IFIT1B: variants seen among roughly 807,000 people sequenced by gnomAD.
The protein encoded by IFIT1B is protein IFIT1 homolog B.
IFIT1B carries 3 observed loss-of-function variants against 2.5 expected under a neutral mutation model. The observed-to-expected ratio is 1.21, with a 90% CI of 0.55 to 3.14. IFIT1B has a LOEUF of 3.14. Among genes scored for constraint, IFIT1B ranks in the 30% most tolerant of loss-of-function variants. The pLI, the probability that IFIT1B is intolerant of heterozygous loss-of-function variation, is 0.03. For synonymous variants in IFIT1B, 196 were observed against 203.0 expected (o/e 0.97, Z 0.29); for missense variants, 545 against 556.5 (o/e 0.98, Z 0.21).
chr10:89,383,327 C>A lies in IFIT1B; in HGVS notation c.14C>A (p.Ser5Tyr), dbSNP rs1483722998. ...GCTGCCTATTTTTACAGTGAAGAAT[C>A]TGATGGAAAGCTTATTGAAGACAGC... MSEE[S>Y]DGKLIEDSLI... Residue 5 changes from serine to tyrosine, a missense_variant, in exon 2 of 2, where the codon TCT (serine) becomes TAT (tyrosine). Physicochemically the swap from Ser to Tyr is moderately radical, Grantham distance 144. Coordinates refer to ENST00000371809, the MANE Select transcript of IFIT1B (RefSeq NM_001010987.2). The A allele has an allele frequency of 1.9e-6, 3 of 1,609,674 alleles. No homozygotes were observed. In the South Asian group the frequency reaches 3.3e-5, roughly 18 times the overall value.
chr10:89,383,724 G>C lies in IFIT1B; in HGVS notation c.411G>C (p.Glu137Asp), dbSNP rs1186436053. The part of the protein sequence containing the change: ...KFANPSRYRM[E>D]CPEVDCEEGW... ...CAAATCCTTCCCGCTATAGAATGGA[G>C]TGTCCAGAGGTGGACTGTGAGGAAG... Residue 137 changes from glutamate (E) to aspartate (D), a missense_variant, in exon 2 of 2, where the codon GAG becomes GAC. Physicochemically the swap from Glu to Asp is conservative, Grantham distance 45. Transcript: ENST00000371809. The C allele has an allele frequency of 5.0e-6, 8 of 1,614,120 alleles. No homozygotes were observed. The Admixed American group carries it at 1.3e-4, about 27-fold the overall frequency.
rs1166291638 is a variant in IFIT1B at position 89,384,062 on chromosome 10, A to G, written c.749A>G (p.Gln250Arg). The G allele has an allele frequency of 6.2e-7, 1 of 1,614,238 alleles. No homozygotes were observed. Reference sequence around the variant, plus strand: ...GAAGCTCTGACCAGTATATCTTCACAGGCCTATGTCTTTCAATATGCAGCC... The same window carrying G: ...GAAGCTCTGACCAGTATATCTTCACGGGCCTATGTCTTTCAATATGCAGCC... The part of the protein sequence containing the change: ...IEEALTSISS[Q>R]AYVFQYAAKF... Residue 250 changes from glutamine (Q) to arginine (R), a missense_variant, in exon 2 of 2, where the codon CAG becomes CGG. Gln to Arg is a conservative substitution (Grantham distance 43). Transcript: ENST00000371809.
intron 1 of IFIT1B, 115 bp downstream of exon 1, chr10:89,378,255 G>A (rs1239846000): frequency 4.9e-6 from 5 of 1,029,634 alleles, no homozygotes; most frequent in African/African-American, 1.6e-5. Context: ...TCCCACTGGT[G>A]GTTCTGACCC....
chr10:89,378,809 C>G (rs1056314458), intron 1 of IFIT1B, among the ~76,000 whole-genome samples: 1 of 152,170 alleles, frequency 6.6e-6, no homozygotes, highest in Non-Finnish European at 1.5e-5. Context: ...GGGTAGCTGG[C>G]TTAATAAAAG....
chr10:89,383,252 G>T, intron 1 of IFIT1B, 67 bp from the exon 2 acceptor site: 1 of 1,381,262 alleles, frequency 7.2e-7, no homozygotes. Flanking sequence ...TATTTGAAGT[G>T]CTGGCTTCAT....
chr10:89,379,893 G>A (rs1270475022), intron 1 of IFIT1B, among the ~76,000 whole-genome samples: 1 of 152,084 alleles, frequency 6.6e-6, no homozygotes, highest in Non-Finnish European at 1.5e-5. Context: ...AAATTAGCCG[G>A]GAGTGGTGGC....
chr10:89,378,087 C>G lies in IFIT1B; in HGVS notation c.-49C>G. 6.2e-7 allele frequency: 1 copy of G among 1,609,432 alleles called. No homozygotes were observed. Among genetic ancestry groups the G allele is most frequent in the South Asian group, 1.1e-5 (1 of 90,882 alleles). On this transcript the variant is annotated 5_prime_UTR_variant, in exon 1 of 2. Transcript: ENST00000371809. ...CTGTGGATGAACCTTGAAGGAGCCT[C>G]CAAGCCTGAACCAAAGCACTACAGA...
In IFIT1B at chr10:89,384,065, C is replaced by G; in HGVS notation, c.752C>G (p.Ala251Gly). 2 of 1,614,158 alleles carry G rather than the reference C, an allele frequency of 1.2e-6. No individual in the cohort carries two copies. The highest frequency in any genetic ancestry group is 1.7e-6 in the Non-Finnish European group (2 of 1,180,034). Residue 251 changes from alanine (A) to glycine (G), a missense_variant, in exon 2 of 2, where the codon GCC (alanine) becomes GGC (glycine). Physicochemically the swap from Ala to Gly is moderately conservative, Grantham distance 60. Coordinates refer to ENST00000371809, the MANE Select transcript of IFIT1B (RefSeq NM_001010987.2). ...GCTCTGACCAGTATATCTTCACAGGCCTATGTCTTTCAATATGCAGCCAAG... is the reference window on the plus strand; with the variant it reads ...GCTCTGACCAGTATATCTTCACAGGGCTATGTCTTTCAATATGCAGCCAAG... Reference protein sequence around the residue: ...EEALTSISSQAYVFQYAAKFY... With the variant: ...EEALTSISSQGYVFQYAAKFY...
At position 89,384,466 on chromosome 10, in the gene IFIT1B, G is replaced by A. The variant is rs778626965; in HGVS notation, c.1153G>A (p.Gly385Ser). The part of the protein sequence containing the change: ...QLKQEIHYHY[G>S]RFQEHHGKSQ... ...AAAGCAAGAGATTCATTACCACTAC[G>A]GCCGTTTCCAAGAACATCATGGGAA... The change falls in exon 2 of 2, where the codon GGC (glycine) becomes AGC (serine). Residue 385 changes from glycine to serine, a missense_variant. Transcript: ENST00000371809. 7.4e-6 allele frequency: 12 copies of A among 1,613,978 alleles called. No homozygotes were observed. The highest frequency in any genetic ancestry group is 3.3e-5 in the South Asian group (3 of 91,084).
At position 89,384,389 on chromosome 10, in the gene IFIT1B, C is replaced by A. The variant is rs773893103; in HGVS notation, c.1076C>A (p.Ala359Asp). 1.9e-5 allele frequency: 31 copies of A among 1,613,976 alleles called. No homozygotes were observed. In the Admixed American group the frequency reaches 5.0e-4, roughly 26 times the overall value. The change falls in exon 2 of 2, where the codon GCT becomes GAT. Residue 359 changes from alanine (A) to aspartate (D), a missense_variant. Ala to Asp is a moderately radical substitution (Grantham distance 126). Coordinates refer to ENST00000371809, the MANE Select transcript of IFIT1B (RefSeq NM_001010987.2). ...GCAGAAATAGGCCACCACAGAAAGGCTGAGGAACATTTTCAGAAAGGGTTA... is the reference window on the plus strand; with the variant it reads ...GCAGAAATAGGCCACCACAGAAAGGATGAGGAACATTTTCAGAAAGGGTTA... ...TYAEIGHHRK[A>D]EEHFQKGLRM...
intron 1 of IFIT1B, 49 bp downstream of exon 1, chr10:89,378,189 T>C (rs1354928059): frequency 7.5e-6 from 12 of 1,607,884 alleles, no homozygotes; most frequent in Non-Finnish European, 1.0e-5. Flanking sequence ...CACTTTGAAA[T>C]TCTAAAACTT....
Position 89,383,856 on chromosome 10 carries a change from C to A in IFIT1B, c.543C>A (p.Tyr181Ter). Residue 181 changes from tyrosine to a stop codon, truncating the protein, a stop_gained, in exon 2 of 2, where the codon TAC becomes TAA. Coordinates refer to ENST00000371809, the MANE Select transcript of IFIT1B (RefSeq NM_001010987.2). LOFTEE classifies it low-confidence loss of function (END_TRUNC). ...NPENPEFNTG[Y>*]AITVYRLDKF... ...AAAACCCTGAATTCAATACTGGGTACGCAATCACCGTCTATCGCCTGGATA... is the reference window on the plus strand; with the variant it reads ...AAAACCCTGAATTCAATACTGGGTAAGCAATCACCGTCTATCGCCTGGATA... The A allele has an allele frequency of 6.2e-7, 1 of 1,614,170 alleles. No individual in the cohort carries two copies. The highest frequency in any genetic ancestry group is 8.5e-7 in the Non-Finnish European group (1 of 1,180,034).
At chr10:89,379,472 T>G (rs758358897) in intron 1 of IFIT1B, among the ~76,000 whole-genome samples, 4 of 152,200 alleles carry the variant, frequency 2.6e-5, no homozygotes, top group Non-Finnish European at 4.4e-5. Context: ...AAATATATAT[T>G]TCTTTTTTTC....
intron 1 of IFIT1B, among the ~76,000 whole-genome samples, chr10:89,378,963 G>A (rs1020157706): frequency 2.6e-5 from 4 of 152,172 alleles, no homozygotes; most frequent in Admixed American, 6.5e-5. Flanking sequence ...GCCTAGAGAG[G>A]AGACTGGCCC....
At chr10:89,378,755 T>C (rs1164790785) in intron 1 of IFIT1B, among the ~76,000 whole-genome samples, 2 of 152,220 alleles carry the variant, frequency 1.3e-5, no homozygotes, top group Non-Finnish European at 2.9e-5. Flanking sequence ...AGAATATATG[T>C]AGAGGCAAGT....
Position 89,383,963 on chromosome 10 carries a change from T to A in IFIT1B, c.650T>A (p.Val217Glu), listed in dbSNP as rs769862207. The change falls in exon 2 of 2, where the codon GTA becomes GAA. Residue 217 changes from valine to glutamate, a missense_variant. Coordinates refer to ENST00000371809, the MANE Select transcript of IFIT1B (RefSeq NM_001010987.2). ...KRAVRLNPDD[V>E]YIRVLLALKL... ...GCTGTCAGGCTAAATCCAGATGATG[T>A]ATATATTAGGGTTCTCCTTGCCCTG... 2 of 1,614,152 alleles carry A rather than the reference T, an allele frequency of 1.2e-6. No individual in the cohort carries two copies. Among genetic ancestry groups the A allele is most frequent in the South Asian group, 2.2e-5 (2 of 91,078 alleles).
chr10:89,382,574 C>G (rs1302305081), intron 1 of IFIT1B, among the ~76,000 whole-genome samples: 1 of 152,232 alleles, frequency 6.6e-6, no homozygotes, highest in East Asian at 1.9e-4. Flanking sequence ...TTCAGGGTTA[C>G]TTGATGTCAG....
Position 89,384,549 on chromosome 10 carries a change from C to T in IFIT1B, c.1236C>T (p.Ser412=). 1 of 1,613,988 alleles carries T rather than the reference C, an allele frequency of 6.2e-7. No individual in the cohort carries two copies. Among genetic ancestry groups the T allele is most frequent in the Non-Finnish European group, 8.5e-7 (1 of 1,179,940 alleles). ...AAGGTTTGAAAATAGAAAAAATGTC[C>T]CATTCCAGGGAAAAACTTCTCAATG... ...YLKGLKIEKM[S]HSREKLLNAL... is the part of the protein sequence containing the mutation. The change falls in exon 2 of 2, where the codon TCC becomes TCT. Residue 412 remains serine (S), a synonymous_variant. Coordinates refer to ENST00000371809, the MANE Select transcript of IFIT1B (RefSeq NM_001010987.2).
intron 1 of IFIT1B, among the ~76,000 whole-genome samples, chr10:89,381,394 A>G (rs1844162126): frequency 6.6e-6 from 1 of 152,208 alleles, no homozygotes; most frequent in South Asian, 2.1e-4. Context: ...CACCTCACCC[A>G]GCATATGTCC....
Sources: allele counts gnomAD v4.1 joint callset (sites outside exome capture counted in the v4.1 genomes callset), GRCh38; gene constraint gnomAD v4.1.1; transcripts MANE v1.5; gene names NCBI Gene and HGNC (gene_info 2026-07-23, HGNC 2026-07-21).